Variants in TMEM131L observed in about 807,000 individuals in gnomAD.
TMEM131L encodes transmembrane 131 like, also known as transmembrane protein 131-like.
In TMEM131L, 54 loss-of-function variants were observed where a neutral mutation model predicts 192.2. The ratio of observed to expected loss-of-function variants is 0.28; its 90% CI spans 0.23 to 0.35. The LOEUF (loss-of-function observed/expected upper bound fraction) is 0.35, where lower values mean the gene tolerates loss of function less well. Among genes scored for constraint, TMEM131L ranks in the 10% least tolerant of loss-of-function variants. The probability of loss-of-function intolerance (pLI) is 1.00; values close to 1 mark genes in which losing one functional copy is unlikely to be tolerated. For missense variants in TMEM131L, 1,888 were observed against 1,972.9 expected, an observed-to-expected ratio of 0.96 and a Z score of 0.82; for synonymous variants, 701 against 704.9, an observed-to-expected ratio of 0.99 and a Z score of 0.09.
At chr4:153,618,997 GT>G (rs918033437) in intron 26 of TMEM131L, among the ~76,000 whole-genome samples, 28 of 152,228 alleles carry the variant, frequency 1.8e-4, no homozygotes, top group Admixed American at 3.9e-4. Flanking sequence ...AATCTAGCTT[GT>G]CCTGCATTCC....
At chr4:153,468,594 C>A (rs1264519469) in intron 2 of TMEM131L, among the ~76,000 whole-genome samples, 1 of 152,146 alleles carries the variant, frequency 6.6e-6, no homozygotes, top group Non-Finnish European at 1.5e-5. Flanking sequence ...TTTTGTATAT[C>A]AGAGTTGTTC....
At chr4:153,598,756 T>C in intron 21 of TMEM131L, 24 bp downstream of exon 21, 1 of 1,527,392 alleles carries the variant, frequency 6.5e-7, no homozygotes, top group Non-Finnish European at 8.8e-7. Context: ...TGTGGCACTC[T>C]GACAGGGGAG....
rs375126272 is a variant in TMEM131L at position 153,567,204 on chromosome 4, T to C, written c.660+8836T>C. Among the ~76,000 whole-genome samples the C allele has an allele frequency of 1.6e-4, 24 of 152,340 alleles. No homozygotes were observed. In the South Asian group the frequency reaches 4.8e-3, roughly 30 times the overall value. ...TCTCCCTAACAAGTTACAAAATACC[T>C]GATCTAGGATTTGAAGATGGAAAAA... On this transcript the variant is annotated intron_variant, in intron 7 of 34. Transcript: ENST00000409959.
intron 7 of TMEM131L, among the ~76,000 whole-genome samples, chr4:153,576,108 C>T (rs571018821): frequency 2.0e-5 from 3 of 152,058 alleles, no homozygotes; most frequent in South Asian, 4.1e-4. Flanking sequence ...TACAGGCGCC[C>T]GCCACCATGC....
intron 3 of TMEM131L, among the ~76,000 whole-genome samples, chr4:153,488,793 C>T (rs62324700): frequency 0.021 from 3,140 of 152,312 alleles, 45 homozygotes; most frequent in Middle Eastern, 0.048. Context: ...GGCAGGGCCA[C>T]GCTGCCTCTG....
At chr4:153,622,686 G>T (rs1257007123) in intron 28 of TMEM131L, among the ~76,000 whole-genome samples, 2 of 152,154 alleles carry the variant, frequency 1.3e-5, no homozygotes, top group African/African-American at 4.8e-5. Flanking sequence ...GCCCCTAATT[G>T]CTCCTGCCAT....
At chr4:153,483,176 C>A (rs1732065811) in intron 3 of TMEM131L, among the ~76,000 whole-genome samples, 1 of 152,166 alleles carries the variant, frequency 6.6e-6, no homozygotes, top group Non-Finnish European at 1.5e-5. Flanking sequence ...TGTAGTGATG[C>A]AGTTCCAGAA....
chr4:153,499,746 A>T (rs1251119257), intron 3 of TMEM131L, among the ~76,000 whole-genome samples: 4 of 152,110 alleles, frequency 2.6e-5, no homozygotes, highest in Admixed American at 6.6e-5. Flanking sequence ...TCTTACCCTG[A>T]TTGGTTATTC....
At chr4:153,591,226 C>T in intron 17 of TMEM131L, 32 bp downstream of exon 17, 1 of 1,546,916 alleles carries the variant, frequency 6.5e-7, no homozygotes, top group Non-Finnish European at 8.7e-7. Context: ...ATTTCTTTGT[C>T]AGTGACTCCC....
At chr4:153,529,914 C>T (rs2150223673) in intron 3 of TMEM131L, among the ~76,000 whole-genome samples, 1 of 152,316 alleles carries the variant, frequency 6.6e-6, no homozygotes, top group African/African-American at 2.4e-5. Flanking sequence ...ATGTTCATTT[C>T]ACGAGACCTC....
intron 3 of TMEM131L, among the ~76,000 whole-genome samples, chr4:153,497,373 C>T (rs773508797): frequency 1.6e-4 from 24 of 152,050 alleles, no homozygotes; most frequent in Non-Finnish European, 3.2e-4. Context: ...GAAAAATATT[C>T]TCCTCTACCT....
Position 153,636,511 on chromosome 4 carries a change from A to G in TMEM131L, c.4768A>G (p.Thr1590Ala). Reference protein sequence around the residue: ...RAYMNLDIWTTTANRNANFPL... With the variant: ...RAYMNLDIWTATANRNANFPL... ...CTATATGAACCTGGACATATGGACTACCACAGCGAATAGGAATGCAAATTT... is the reference window on the plus strand; with the variant it reads ...CTATATGAACCTGGACATATGGACTGCCACAGCGAATAGGAATGCAAATTT... The change falls in exon 35 of 35, where the codon ACC (threonine) becomes GCC (alanine). Residue 1590 changes from threonine to alanine, a missense_variant. Transcript: ENST00000409959. 1 of 1,614,234 alleles carries G rather than the reference A, an allele frequency of 6.2e-7. No homozygotes were observed. The highest frequency in any genetic ancestry group is 1.7e-5 in the Admixed American group (1 of 60,030).
At chr4:153,571,882 A>C (rs548008780) in intron 7 of TMEM131L, among the ~76,000 whole-genome samples, 9 of 152,338 alleles carry the variant, frequency 5.9e-5, no homozygotes, top group Admixed American at 2.6e-4. Context: ...GAACAATTCC[A>C]GTCTGCTGAG....
rs747565824 is a variant in TMEM131L, at chr4:153,557,067, A to G, written c.534A>G (p.Gly178=). 1 of 1,496,950 alleles carries G rather than the reference A, an allele frequency of 6.7e-7. No individual in the cohort carries two copies. The highest frequency in any genetic ancestry group is 9.3e-7 in the Non-Finnish European group (1 of 1,075,606). 92.7% of individuals were successfully genotyped at this position (1,496,950 alleles called of 1,614,324 possible). Residue 178 remains glycine, a synonymous_variant, in exon 6 of 35, where the codon GGA becomes GGG. Transcript: ENST00000409959. ...TATTTATTAATACCTCTTCGTATGG[A>G]GTCCTTTCCTATCATGTGAGTAACT... The part of the protein sequence containing the change: ...SSLFINTSSY[G]VLSYHVSGIG...
chr4:153,497,552 T>C (rs1733264077), intron 3 of TMEM131L, among the ~76,000 whole-genome samples: 1 of 152,166 alleles, frequency 6.6e-6, no homozygotes, highest in South Asian at 2.1e-4. Context: ...AGAGTTATAT[T>C]GATTAAATTA....
intron 30 of TMEM131L, 114 bp from the exon 31 acceptor site, chr4:153,627,491 A>G (rs997223946): frequency 1.8e-5 from 13 of 704,096 alleles, no homozygotes; most frequent in East Asian, 8.0e-5. Flanking sequence ...TCCCCAAGAA[A>G]CTCTTCCCCA....
intron 1 of TMEM131L, 140 bp from the exon 2 acceptor site, chr4:153,467,071 C>T (rs1445888564): frequency 1.2e-6 from 1 of 820,070 alleles, no homozygotes; most frequent in Non-Finnish European, 2.0e-6. Context: ...CTTGGCTCGC[C>T]CCTGGGATGG....
chr4:153,602,435 T>C, intron 22 of TMEM131L, 97 bp downstream of exon 22: 1 of 1,525,072 alleles, frequency 6.6e-7, no homozygotes, highest in South Asian at 1.2e-5. Context: ...TATGTTGTTT[T>C]AATGTAAATA....
intron 3 of TMEM131L, among the ~76,000 whole-genome samples, chr4:153,494,717 T>C (rs1453102323): frequency 6.6e-6 from 1 of 152,210 alleles, no homozygotes; most frequent in African/African-American, 2.4e-5. Context: ...GAAGTTGTCT[T>C]CTTGCAAATG....
Sources: gnomAD v4.1 joint callset for allele counts (sites outside exome capture counted in the v4.1 genomes callset) on GRCh38, gnomAD v4.1.1 for gene constraint, MANE v1.5 for transcripts, NCBI Gene and HGNC (gene_info 2026-07-23, HGNC 2026-07-21) for gene names.